Variants in TLL2 observed in about 807,000 individuals in gnomAD.
TLL2 encodes tolloid like 2, also known as tolloid-like protein 2.
A neutral mutation model predicts 123.0 loss-of-function variants in TLL2; 106 were observed. That is an observed-to-expected ratio of 0.86 (90% confidence interval 0.74 to 1.01). TLL2 has a LOEUF of 1.01. Ranked by LOEUF, TLL2 falls within the 50% of genes least tolerant of loss-of-function variation. The probability of loss-of-function intolerance (pLI) is 0.00; values close to 1 mark genes in which losing one functional copy is unlikely to be tolerated. For missense variants in TLL2, 1,332 were observed against 1,336.7 expected (o/e 1.00, Z 0.06); for synonymous variants, 494 against 516.8 (o/e 0.96, Z 0.60).
intron 4 of TLL2, among the ~76,000 whole-genome samples, chr10:96,432,429 C>G (rs186903101): frequency 1.9e-4 from 29 of 152,194 alleles, no homozygotes; most frequent in Non-Finnish European, 1.5e-5. Context: ...ACCTCTGAGT[C>G]CAGGACGCTC....
rs529122448 is a variant in TLL2 at position 96,500,323 on chromosome 10, A to G, written c.175+13188T>C. ...ACAGTGAGACCCTGTCTCAAAACAC[A>G]AAAACAAAAAACAAACAAAAAAAAC... On this transcript the variant is annotated intron_variant, in intron 1 of 20. Transcript: ENST00000357947. 2.8e-4 allele frequency among the ~76,000 whole-genome samples: 42 copies of G among 152,216 alleles called. 2 individuals are homozygous for G. The South Asian group carries it at 8.5e-3, about 31-fold the overall frequency.
At chr10:96,414,437 TC>T (rs1226033097) in intron 7 of TLL2, among the ~76,000 whole-genome samples, 2 of 152,122 alleles carry the variant, frequency 1.3e-5, no homozygotes, top group Admixed American at 1.3e-4. Flanking sequence ...AGCACTGACC[TC>T]CGATGCCCTC....
intron 2 of TLL2, among the ~76,000 whole-genome samples, chr10:96,448,476 T>TGACAGA (rs1846922255): frequency 6.6e-6 from 1 of 152,180 alleles, no homozygotes; most frequent in Non-Finnish European, 1.5e-5. Flanking sequence ...AAATGGACTA[T>TGACAGA]TGCAAGGACC....
intron 2 of TLL2, among the ~76,000 whole-genome samples, chr10:96,471,154 C>T (rs1184681168): frequency 2.4e-5 from 3 of 127,382 alleles, no homozygotes; most frequent in African/African-American, 8.5e-5. Flanking sequence ...GTGTTTGCCA[C>T]CACACTTGGC....
At chr10:96,436,734 G>A (rs996925294) in intron 3 of TLL2, among the ~76,000 whole-genome samples, 4 of 151,278 alleles carry the variant, frequency 2.6e-5, no homozygotes, top group South Asian at 2.1e-4. Context: ...CACCCAGGCT[G>A]GAGTGCAGTG....
intron 3 of TLL2, 140 bp from the exon 4 acceptor site, chr10:96,433,102 G>C: frequency 8.6e-7 from 1 of 1,159,832 alleles, no homozygotes; most frequent in Non-Finnish European, 1.2e-6. Context: ...TCAGGGTTTG[G>C]AAGCCCTGGG....
At chr10:96,375,438 C>T (rs951687363) in intron 18 of TLL2, 7 of 152,184 alleles carry the variant, frequency 4.6e-5, no homozygotes, top group African/African-American at 1.7e-4. Flanking sequence ...TTGCGCGCTC[C>T]CAACGCCAGA....
chr10:96,399,118 G>A (rs551163345), intron 10 of TLL2, among the ~76,000 whole-genome samples: 2 of 152,038 alleles, frequency 1.3e-5, no homozygotes, highest in South Asian at 2.1e-4. Context: ...TGATCTGCCC[G>A]CCTCAGCTTC....
At chr10:96,502,691 C>T (rs970406294) in intron 1 of TLL2, among the ~76,000 whole-genome samples, 1 of 143,584 alleles carries the variant, frequency 7.0e-6, no homozygotes, top group Non-Finnish European at 1.6e-5. Context: ...GGAGGAGAGG[C>T]GACCCTGCGA....
At position 96,506,271 on chromosome 10, in the gene TLL2, A is replaced by G. The variant is rs1356486748; in HGVS notation, c.175+7240T>C. ...CATCTCAAAAAAAAAAAAAAGAAAA[A>G]AAAAAAAGAAAAAAGGAAAGTGACA... On this transcript the variant is annotated intron_variant, in intron 1 of 20. Coordinates refer to ENST00000357947, the MANE Select transcript of TLL2 (RefSeq NM_012465.4). Among the ~76,000 whole-genome samples, 64 of 150,234 alleles carry G rather than the reference A, an allele frequency of 4.3e-4. 1 individual carries two copies. Among genetic ancestry groups the G allele is most frequent in the African/African-American group, 1.1e-3 (47 of 41,072 alleles).
intron 2 of TLL2, among the ~76,000 whole-genome samples, chr10:96,476,857 TACACACACACACAC>T (rs56240059): frequency 8.5e-6 from 1 of 117,262 alleles, no homozygotes; most frequent in Admixed American, 8.5e-5. Context: ...CCTTTTATGT[TACACACACACACAC>T]ACACACACAC....
intron 3 of TLL2, among the ~76,000 whole-genome samples, chr10:96,445,482 C>G (rs1846889706): frequency 2.0e-5 from 3 of 152,214 alleles, no homozygotes; most frequent in African/African-American, 7.2e-5. Flanking sequence ...CACAGCCAAC[C>G]AGCACCTCAC....
At chr10:96,392,249 A>C (rs907217766) in intron 13 of TLL2, among the ~76,000 whole-genome samples, 3 of 152,196 alleles carry the variant, frequency 2.0e-5, no homozygotes, top group African/African-American at 7.2e-5. Flanking sequence ...CTTACAAACC[A>C]GTTTAGCATC....
chr10:96,468,188 C>T (rs1847147237), intron 2 of TLL2, among the ~76,000 whole-genome samples: 1 of 152,166 alleles, frequency 6.6e-6, no homozygotes, highest in South Asian at 2.1e-4. Context: ...ACTTCATTTC[C>T]ACGTCCTCCC....
intron 1 of TLL2, among the ~76,000 whole-genome samples, chr10:96,487,207 A>C (rs541122506): frequency 1.3e-5 from 2 of 152,250 alleles, no homozygotes; most frequent in East Asian, 3.9e-4. Context: ...GTGAGAATTA[A>C]ACAACATGAG....
intron 10 of TLL2, among the ~76,000 whole-genome samples, chr10:96,398,529 A>C (rs1846361531): frequency 6.6e-6 from 1 of 152,374 alleles, no homozygotes; most frequent in Non-Finnish European, 1.5e-5. Context: ...CGAGAAAAAA[A>C]ATTAATACAT....
At chr10:96,439,407 C>T (rs1030005124) in intron 3 of TLL2, among the ~76,000 whole-genome samples, 1 of 151,904 alleles carries the variant, frequency 6.6e-6, no homozygotes, top group African/African-American at 2.4e-5. Flanking sequence ...TAAACTTTCA[C>T]TCCTGCTCTA....
At chr10:96,496,525 C>A (rs1847477262) in intron 1 of TLL2, among the ~76,000 whole-genome samples, 1 of 152,208 alleles carries the variant, frequency 6.6e-6, no homozygotes, top group South Asian at 2.1e-4. Flanking sequence ...CATCATCCTA[C>A]TTGACAGATG....
At chr10:96,421,853 A>C (rs543610300) in intron 6 of TLL2, among the ~76,000 whole-genome samples, 2 of 152,154 alleles carry the variant, frequency 1.3e-5, no homozygotes, top group Non-Finnish European at 1.5e-5. Context: ...ACAAACAAAA[A>C]AAACAAAACA....
Sources: allele counts gnomAD v4.1 joint callset (sites outside exome capture counted in the v4.1 genomes callset), GRCh38; gene constraint gnomAD v4.1.1; transcripts MANE v1.5; gene names NCBI Gene and HGNC (gene_info 2026-07-23, HGNC 2026-07-21).